The following KCNJ6 variants were observed in gnomAD, a reference collection of about 807,000 sequenced individuals.
The protein encoded by KCNJ6 is G protein-activated inward rectifier potassium channel 2.
KCNJ6 carries 9 observed loss-of-function variants against 34.2 expected under a neutral mutation model. The observed-to-expected ratio is 0.26, with a 90% CI of 0.16 to 0.46. The LOEUF (loss-of-function observed/expected upper bound fraction) is 0.46. Among genes scored for constraint, KCNJ6 ranks in the 20% least tolerant of loss-of-function variants. KCNJ6 has a pLI of 1.00. For synonymous variants in KCNJ6, 196 were observed against 207.1 expected, an observed-to-expected ratio of 0.95 and a Z score of 0.46; for missense variants, 236 against 531.3, an observed-to-expected ratio of 0.44 and a Z score of 5.46.
intron 2 of KCNJ6, among the ~76,000 whole-genome samples, chr21:37,839,409 G>A (rs554084747): frequency 2.0e-5 from 3 of 152,254 alleles, no homozygotes; most frequent in African/African-American, 7.2e-5. Flanking sequence ...AGGAATGAAA[G>A]GAAATCAATG....
chr21:37,883,566 C>T (rs753904325), intron 1 of KCNJ6, among the ~76,000 whole-genome samples: 28 of 152,294 alleles, frequency 1.8e-4, no homozygotes, highest in South Asian at 4.1e-4. Context: ...TGCCAGGCGG[C>T]GGGCACCGTC....
intron 2 of KCNJ6, among the ~76,000 whole-genome samples, chr21:37,778,897 C>G (rs756486296): frequency 6.6e-6 from 1 of 151,896 alleles, no homozygotes; most frequent in African/African-American, 2.4e-5. Flanking sequence ...ACACGCAGCC[C>G]TTTTTTTCTC....
At chr21:37,671,422 C>G (rs2054541839) in intron 3 of KCNJ6, among the ~76,000 whole-genome samples, 1 of 152,224 alleles carries the variant, frequency 6.6e-6, no homozygotes. Flanking sequence ...CCACACTTTG[C>G]CCTGTACCCT....
rs146943702 is a variant in KCNJ6 at position 37,762,370 on chromosome 21, G to A, written c.26-47239C>T. On this transcript the variant is annotated intron_variant, in intron 2 of 3. Transcript: ENST00000609713. ...GTTACAGCCCTTTAGAGTAAGGGATGTGGATGAACAGGTGAGAGGCTTCCT... is the reference window on the plus strand; with the variant it reads ...GTTACAGCCCTTTAGAGTAAGGGATATGGATGAACAGGTGAGAGGCTTCCT... 3.5e-4 allele frequency among the ~76,000 whole-genome samples: 54 copies of A among 152,306 alleles called. No individual in the cohort carries two copies. The East Asian group carries it at 9.9e-3, about 28-fold the overall frequency.
rs1373721040 is a variant in KCNJ6, at chr21:37,621,446, A to AT, written c.*3712_*3713insA. 1 of 152,204 alleles carries AT rather than the reference A, an allele frequency of 6.6e-6. No homozygotes were observed. Among genetic ancestry groups the AT allele is most frequent in the Non-Finnish European group, 1.5e-5 (1 of 68,040 alleles). The allele number at this position is 152,204 out of a possible 1,614,324, so 9.4% of individuals were successfully genotyped here. A position where few individuals can be genotyped will look rare whatever the true frequency, so the allele number is the denominator to read the frequency against. On this transcript the variant is annotated 3_prime_UTR_variant, in exon 4 of 4. Coordinates refer to ENST00000609713, the MANE Select transcript of KCNJ6 (RefSeq NM_002240.5). Reference sequence around the variant, plus strand: ...GGCTTAAATCTAAATAAAAAAGCAAAGGGGAAAAAAGTAAGAAAACTGAAA... The same window carrying AT: ...GGCTTAAATCTAAATAAAAAAGCAAATGGGGAAAAAAGTAAGAAAACTGAAA...
chr21:37,844,125 C>G (rs1031249983), intron 1 of KCNJ6, among the ~76,000 whole-genome samples: 6 of 149,880 alleles, frequency 4.0e-5, no homozygotes, highest in African/African-American at 7.4e-5. Flanking sequence ...GTGGCATGAT[C>G]TCCGCTCACT....
At chr21:37,744,242 A>G (rs966601791) in intron 2 of KCNJ6, among the ~76,000 whole-genome samples, 1 of 152,056 alleles carries the variant, frequency 6.6e-6, no homozygotes, top group Admixed American at 6.5e-5. Flanking sequence ...CAGCACACCA[A>G]CATGGCACAT....
chr21:37,645,951 T>C (rs963923966), intron 3 of KCNJ6, among the ~76,000 whole-genome samples: 2 of 32,882 alleles, frequency 6.1e-5, no homozygotes, highest in Admixed American at 8.7e-4. Context: ...AATCCACTTA[T>C]GACTCTGTTA....
chr21:37,865,485 A>T (rs922051095), intron 1 of KCNJ6, among the ~76,000 whole-genome samples: 1 of 152,170 alleles, frequency 6.6e-6, no homozygotes, highest in Non-Finnish European at 1.5e-5. Flanking sequence ...GACTCTTCTG[A>T]GCTTGAACTG....
intron 2 of KCNJ6, among the ~76,000 whole-genome samples, chr21:37,800,976 G>C (rs1461321468): frequency 6.6e-6 from 1 of 152,162 alleles, no homozygotes. Flanking sequence ...ATGAGAGGTA[G>C]GGAAGACGGA....
At chr21:37,804,869 T>C (rs2055286164) in intron 2 of KCNJ6, among the ~76,000 whole-genome samples, 1 of 152,208 alleles carries the variant, frequency 6.6e-6, no homozygotes, top group African/African-American at 2.4e-5. Context: ...GAGTAGGCAC[T>C]ACTATTCACA....
intron 1 of KCNJ6, among the ~76,000 whole-genome samples, chr21:37,887,428 C>T (rs2055741383): frequency 6.6e-6 from 1 of 152,094 alleles, no homozygotes; most frequent in African/African-American, 2.4e-5. Flanking sequence ...TTTTAAGTGC[C>T]CCTTATAGGC....
chr21:37,868,739 T>C (rs748429791), intron 1 of KCNJ6, among the ~76,000 whole-genome samples: 12 of 152,160 alleles, frequency 7.9e-5, no homozygotes, highest in Non-Finnish European at 1.8e-4. Flanking sequence ...TCAAGACCTG[T>C]GCAATATTCT....
chr21:37,866,310 T>C (rs981069983), intron 1 of KCNJ6, among the ~76,000 whole-genome samples: 1 of 152,194 alleles, frequency 6.6e-6, no homozygotes, highest in African/African-American at 2.4e-5. Context: ...TTACTGTATA[T>C]CACTTCCTCA....
At chr21:37,878,662 G>A (rs903809641) in intron 1 of KCNJ6, among the ~76,000 whole-genome samples, 5 of 152,222 alleles carry the variant, frequency 3.3e-5, no homozygotes, top group South Asian at 2.1e-4. Flanking sequence ...CTTTTTGCCC[G>A]GTTGAAATTT....
In KCNJ6 at chr21:37,678,951, T is replaced by C. The variant is rs182381715; in HGVS notation, c.946+35260A>G. Among the ~76,000 whole-genome samples, 3 of 152,294 alleles carry C rather than the reference T, an allele frequency of 2.0e-5. 1 individual carries two copies. The highest frequency in any genetic ancestry group is 1.9e-4 in the East Asian group (1 of 5,178). On this transcript the variant is annotated intron_variant, in intron 3 of 3. Coordinates refer to ENST00000609713, the MANE Select transcript of KCNJ6 (RefSeq NM_002240.5). Reference sequence around the variant, plus strand: ...CATGTTGGCTGGATTTAGTAACTCATTTCTGTTAAATAAAGTGGAAGTGAT... The same window carrying C: ...CATGTTGGCTGGATTTAGTAACTCACTTCTGTTAAATAAAGTGGAAGTGAT...
intron 3 of KCNJ6, among the ~76,000 whole-genome samples, chr21:37,701,718 G>A (rs2054692045): frequency 6.6e-6 from 1 of 152,102 alleles, no homozygotes; most frequent in Non-Finnish European, 1.5e-5. Flanking sequence ...GTTTCTTTTG[G>A]GTGATCAGAG....
At chr21:37,725,243 A>G (rs1390930014) in intron 2 of KCNJ6, among the ~76,000 whole-genome samples, 1 of 152,184 alleles carries the variant, frequency 6.6e-6, no homozygotes, top group African/African-American at 2.4e-5. Flanking sequence ...AAATACAAAA[A>G]TTAGCTGGGC....
intron 2 of KCNJ6, among the ~76,000 whole-genome samples, chr21:37,734,428 C>A (rs944916296): frequency 9.9e-5 from 15 of 152,256 alleles, no homozygotes; most frequent in African/African-American, 3.4e-4. Context: ...GCGAGGAGTT[C>A]TTGGATCCAG....
Sources: gnomAD v4.1 joint callset for allele counts (sites outside exome capture counted in the v4.1 genomes callset) on GRCh38, gnomAD v4.1.1 for gene constraint, MANE v1.5 for transcripts, NCBI Gene and HGNC (gene_info 2026-07-23, HGNC 2026-07-21) for gene names.